The following THTPA variants were observed in gnomAD, a reference collection of about 807,000 sequenced individuals.
THTPA encodes the protein thiamine triphosphatase, also known as thiamine-triphosphatase.
A neutral mutation model predicts 16.5 loss-of-function variants in THTPA; 16 were observed. The observed-to-expected ratio is 0.97, with a 90% CI of 0.66 to 1.47. THTPA has a LOEUF of 1.47. Ranked by LOEUF, THTPA falls within the 40% of genes most tolerant of loss-of-function variation. The pLI is 0.00. For synonymous variants in THTPA, 110 were observed against 115.5 expected (o/e 0.95, Z 0.30); for missense variants, 281 against 280.9 (o/e 1.00, Z 0.00).
chr14:23,524,235 C>G, the THTPA span: 2 of 1,536,556 alleles, frequency 1.3e-6, no homozygotes, highest in Non-Finnish European at 1.7e-6. This position sits in a 1 kb window ranked among gnomAD's most constrained non-coding sequence, Gnocchi z 5.6. Context: ...TGGAACCAGA[C>G]CTGTACCACT....
the THTPA span, chr14:23,522,225 G>A: frequency 2.7e-6 from 4 of 1,478,406 alleles, no homozygotes; most frequent in East Asian, 2.5e-5. Context: ...CGCAATGGGG[G>A]TGGCATGGAG....
At chr14:23,521,386 G>C in the THTPA span, 6 of 152,508 alleles carry the variant, frequency 3.9e-5, no homozygotes, top group African/African-American at 1.4e-4. Context: ...CATTTGGAAA[G>C]AGTTTGTGAG....
Position 23,558,811 on chromosome 14 carries a change from A to T in THTPA, c.664A>T (p.Thr222Ser), listed in dbSNP as rs906327023. 1.2e-6 allele frequency: 2 copies of T among 1,614,192 alleles called. No homozygotes were observed. The highest frequency in any genetic ancestry group is 1.7e-6 in the Non-Finnish European group (2 of 1,180,028). Reference protein sequence around the residue: ...VNSSRERPQETEDPDHCLG With the variant: ...VNSSRERPQESEDPDHCLG ...CAGCTCCAGAGAGAGGCCACAGGAG[A>T]CTGAAGATCCTGACCACTGCCTGGG... The change falls in exon 2 of 2, where the codon ACT becomes TCT. Residue 222 changes from threonine (T) to serine (S), a missense_variant. Thr to Ser is a moderately conservative substitution (Grantham distance 58). Transcript: ENST00000288014.
At chr14:23,523,299 C>T in the THTPA span, 75 of 1,446,226 alleles carry the variant, frequency 5.2e-5, no homozygotes, top group East Asian at 1.1e-3. This position sits in a 1 kb window ranked among gnomAD's most constrained non-coding sequence, Gnocchi z 4.1. Context: ...GGGGCAGCCC[C>T]GAGGGGCATG....
At chr14:23,535,390 G>C in the THTPA span, 1 of 1,430,212 alleles carries the variant, frequency 7.0e-7, no homozygotes, top group Non-Finnish European at 9.1e-7. The surrounding 1 kb of genome is among the most constrained non-coding windows in gnomAD (Gnocchi z 4.5). Flanking sequence ...GGGAGACAAG[G>C]AGAGAGCAGT....
At chr14:23,535,489 C>T in the THTPA span, 282 of 800,724 alleles carry the variant, frequency 3.5e-4, no homozygotes, top group African/African-American at 4.6e-3. The surrounding 1 kb of genome is among the most constrained non-coding windows in gnomAD (Gnocchi z 4.5). Flanking sequence ...ACTCAGACAC[C>T]ACTTTGCTAA....
chr14:23,531,607 G>T, the THTPA span: 2 of 1,525,068 alleles, frequency 1.3e-6, no homozygotes, highest in Non-Finnish European at 1.8e-6. Flanking sequence ...CGGTGGGCAG[G>T]TGTGCGCAGG....
chr14:23,534,421 G>A, the THTPA span: 2 of 1,536,818 alleles, frequency 1.3e-6, no homozygotes, highest in South Asian at 1.2e-5. The surrounding 1 kb of genome is among the most constrained non-coding windows in gnomAD (Gnocchi z 4.5). Flanking sequence ...GGGTATGTCA[G>A]AAGAGGGGCG....
chr14:23,523,502 T>C, the THTPA span: 7 of 1,536,326 alleles, frequency 4.6e-6, no homozygotes, highest in South Asian at 8.3e-5. This position sits in a 1 kb window ranked among gnomAD's most constrained non-coding sequence, Gnocchi z 4.1. Context: ...ATAGGGGCAG[T>C]CAGTGCGCTG....
the THTPA span, among the ~76,000 whole-genome samples, chr14:23,528,123 G>A: frequency 6.6e-6 from 1 of 152,114 alleles, no homozygotes; most frequent in Non-Finnish European, 1.5e-5. Context: ...TGGCCAGGTT[G>A]GTCTTGAACT....
the THTPA span, chr14:23,534,155 G>T: frequency 4.1e-6 from 6 of 1,473,070 alleles, no homozygotes; most frequent in Non-Finnish European, 3.6e-6. This position sits in a 1 kb window ranked among gnomAD's most constrained non-coding sequence, Gnocchi z 4.5. Context: ...GGTGAGCTTT[G>T]GTTGAGTGGG....
chr14:23,546,154 T>G, the THTPA span, among the ~76,000 whole-genome samples: 1 of 152,338 alleles, frequency 6.6e-6, no homozygotes, highest in Non-Finnish European at 1.5e-5. The surrounding 1 kb of genome is among the most constrained non-coding windows in gnomAD (Gnocchi z 4.7). Context: ...AGACTCTCCA[T>G]GCATAAACTG....
At chr14:23,553,503 G>A (rs1166037122), upstream of THTPA, among the ~76,000 whole-genome samples, 1 of 151,950 alleles carries the variant, frequency 6.6e-6, no homozygotes, top group African/African-American at 2.4e-5. Context: ...GGAGGCTGAG[G>A]CAGAAGAATC....
At chr14:23,526,734 C>G in the THTPA span, 2 of 1,534,450 alleles carry the variant, frequency 1.3e-6, no homozygotes, top group African/African-American at 2.7e-5. Flanking sequence ...AAGCCAGACC[C>G]CACCCACTCA....
the THTPA span, chr14:23,533,281 T>C: frequency 7.0e-7 from 1 of 1,436,298 alleles, no homozygotes; most frequent in Non-Finnish European, 9.1e-7. The surrounding 1 kb of genome is among the most constrained non-coding windows in gnomAD (Gnocchi z 4.8). Context: ...GCACAGAAGC[T>C]TACCGGATGT....
At chr14:23,527,014 C>G in the THTPA span, 1 of 1,468,660 alleles carries the variant, frequency 6.8e-7, no homozygotes, top group Non-Finnish European at 9.0e-7. Flanking sequence ...CACCACCCCC[C>G]ACTGCCCCTA....
the THTPA span, among the ~76,000 whole-genome samples, chr14:23,549,070 CT>C: frequency 2.0e-5 from 3 of 152,176 alleles, no homozygotes; most frequent in Non-Finnish European, 4.4e-5. Flanking sequence ...TCCCTTCCCC[CT>C]CTTTACTACT....
At chr14:23,527,053 C>T in the THTPA span, 3 of 1,415,892 alleles carry the variant, frequency 2.1e-6, no homozygotes, top group South Asian at 4.8e-5. Context: ...TGCCCTACAC[C>T]TGTACTTGTG....
chr14:23,524,753 C>A, the THTPA span: 1 of 1,536,426 alleles, frequency 6.5e-7, no homozygotes, highest in Non-Finnish European at 8.7e-7. The surrounding 1 kb of genome is among the most constrained non-coding windows in gnomAD (Gnocchi z 5.6). Context: ...GCCCTCAGGC[C>A]CTGCTGGAGG....
Sources: allele counts gnomAD v4.1 joint callset (sites outside exome capture counted in the v4.1 genomes callset), GRCh38; gene constraint gnomAD v4.1.1; non-coding constraint Gnocchi (gnomAD v3.1); transcripts MANE v1.5; gene names NCBI Gene and HGNC (gene_info 2026-07-23, HGNC 2026-07-21).